Variants in GSG1L observed in about 807,000 individuals in gnomAD.
The protein encoded by GSG1L is germ cell-specific gene 1-like protein.
In GSG1L, 24 loss-of-function variants were observed where a neutral mutation model predicts 42.1. That is an observed-to-expected ratio of 0.57 (90% confidence interval 0.41 to 0.80). The LOEUF is 0.80. Among genes scored for constraint, GSG1L ranks in the 30% least tolerant of loss-of-function variants. The probability of loss-of-function intolerance (pLI) is 0.00; values close to 1 mark genes in which losing one functional copy is unlikely to be tolerated. For synonymous variants in GSG1L, 215 were observed against 203.5 expected (o/e 1.06, Z -0.48); for missense variants, 445 against 472.2 (o/e 0.94, Z 0.53).
intron 2 of GSG1L, among the ~76,000 whole-genome samples, chr16:27,948,295 C>T (rs1428597858): frequency 1.3e-5 from 2 of 152,196 alleles, no homozygotes; most frequent in Admixed American, 1.3e-4. Flanking sequence ...GCAGTACAAC[C>T]TCTTCAAGTT....
chr16:27,818,354 G>A (rs2083118271), intron 5 of GSG1L, among the ~76,000 whole-genome samples: 1 of 152,100 alleles, frequency 6.6e-6, no homozygotes, highest in South Asian at 2.1e-4. Flanking sequence ...GGACCATCTT[G>A]TGTTTTCACC....
At chr16:27,957,398 G>A (rs763287753) in intron 2 of GSG1L, among the ~76,000 whole-genome samples, 31 of 152,300 alleles carry the variant, frequency 2.0e-4, no homozygotes, top group African/African-American at 3.6e-4. Context: ...GTTGATCTGC[G>A]TTTGTACATT....
chr16:27,888,212 C>T (rs2084052667), intron 2 of GSG1L: 1 of 789,462 alleles, frequency 1.3e-6, no homozygotes, highest in African/African-American at 1.9e-5. Context: ...CCCACGTGGG[C>T]CCCGGGCCAG....
chr16:27,964,099 A>T (rs1158187336), intron 1 of GSG1L, among the ~76,000 whole-genome samples: 1 of 152,152 alleles, frequency 6.6e-6, no homozygotes. Context: ...TGGGAGGCCG[A>T]GGCGGGCGGA....
intron 2 of GSG1L, among the ~76,000 whole-genome samples, chr16:27,950,086 C>T (rs141432367): frequency 6.6e-6 from 1 of 152,300 alleles, no homozygotes; most frequent in Non-Finnish European, 1.5e-5. Flanking sequence ...CTGGGCCCCT[C>T]ATACAGGATG....
intron 2 of GSG1L, among the ~76,000 whole-genome samples, chr16:27,921,471 C>T (rs1169011890): frequency 6.6e-6 from 1 of 152,180 alleles, no homozygotes; most frequent in African/African-American, 2.4e-5. Context: ...TCCTTTTAAA[C>T]ATCAACCCTG....
intron 3 of GSG1L, among the ~76,000 whole-genome samples, chr16:27,860,665 GA>G (rs1000246121): frequency 4.6e-5 from 7 of 152,232 alleles, no homozygotes; most frequent in African/African-American, 1.7e-4. Context: ...TCCATCAAGG[GA>G]AAGTGTCCTC....
chr16:27,913,302 G>A (rs1024907814), intron 2 of GSG1L, among the ~76,000 whole-genome samples: 1 of 152,162 alleles, frequency 6.6e-6, no homozygotes, highest in Non-Finnish European at 1.5e-5. Context: ...GCAAGGGAAT[G>A]TTCTATCTAG....
At chr16:27,815,334 CA>C (rs1462995482) in intron 5 of GSG1L, among the ~76,000 whole-genome samples, 2 of 152,108 alleles carry the variant, frequency 1.3e-5, no homozygotes, top group African/African-American at 4.8e-5. Context: ...CTCCTTTGCT[CA>C]TTGTGTGATG....
intron 1 of GSG1L, among the ~76,000 whole-genome samples, chr16:27,990,172 T>G (rs535617730): frequency 6.6e-6 from 1 of 152,354 alleles, no homozygotes; most frequent in South Asian, 2.1e-4. Flanking sequence ...TGACTTTTTG[T>G]TTGAACCATT....
At chr16:27,945,958 C>G (rs942475949) in intron 2 of GSG1L, among the ~76,000 whole-genome samples, 2 of 152,248 alleles carry the variant, frequency 1.3e-5, no homozygotes, top group African/African-American at 4.8e-5. Context: ...TGCTGCCTCC[C>G]TCCTGCTCCA....
At chr16:27,993,682 T>C (rs1026304504) in intron 1 of GSG1L, among the ~76,000 whole-genome samples, 1 of 152,152 alleles carries the variant, frequency 6.6e-6, no homozygotes, top group African/African-American at 2.4e-5. Context: ...GGTGGGTCCT[T>C]AGTTGAATTC....
At chr16:27,978,024 G>A (rs529377754) in intron 1 of GSG1L, among the ~76,000 whole-genome samples, 13 of 152,280 alleles carry the variant, frequency 8.5e-5, no homozygotes, top group African/African-American at 3.1e-4. Flanking sequence ...GGCTCTGGCT[G>A]AGCGAGGATG....
chr16:27,842,105 CGCGCGTGCCG>C (rs2083389954), intron 4 of GSG1L, among the ~76,000 whole-genome samples: 3 of 106,628 alleles, frequency 2.8e-5, no homozygotes, highest in African/African-American at 9.5e-5. Flanking sequence ...AGCACGATGT[CGCGCGTGCCG>C]AATTTCACAT....
At chr16:27,889,031 T>G (rs1273279669) in intron 2 of GSG1L, among the ~76,000 whole-genome samples, 4 of 152,090 alleles carry the variant, frequency 2.6e-5, no homozygotes, top group African/African-American at 9.7e-5. Context: ...TTGTCCAGGC[T>G]GGAGAGCAGT....
chr16:28,025,731 C>A (rs1268951973), intron 1 of GSG1L, among the ~76,000 whole-genome samples: 1 of 152,220 alleles, frequency 6.6e-6, no homozygotes, highest in Non-Finnish European at 1.5e-5. Flanking sequence ...CCATCCCCTG[C>A]CTGTTCTTTT....
chr16:27,972,724 A>G (rs1183595015), intron 1 of GSG1L, among the ~76,000 whole-genome samples: 1 of 152,182 alleles, frequency 6.6e-6, no homozygotes, highest in Non-Finnish European at 1.5e-5. Flanking sequence ...TTAACCCCGG[A>G]AATGTGAATC....
chr16:27,959,563 A>AAAGGGCAG (rs903354294), intron 2 of GSG1L, among the ~76,000 whole-genome samples: 3 of 151,224 alleles, frequency 2.0e-5, no homozygotes, highest in Non-Finnish European at 2.9e-5. Flanking sequence ...GGAAAGAGAG[A>AAAGGGCAG]AAGGGCAGAA....
intron 2 of GSG1L, among the ~76,000 whole-genome samples, chr16:27,954,481 T>C (rs1441643029): frequency 1.3e-5 from 2 of 152,152 alleles, no homozygotes; most frequent in Non-Finnish European, 2.9e-5. Context: ...AGTGAAAGTC[T>C]ACATGTGTGC....
Sources: allele counts gnomAD v4.1 joint callset (sites outside exome capture counted in the v4.1 genomes callset), GRCh38; gene constraint gnomAD v4.1.1; transcripts MANE v1.5; gene names NCBI Gene and HGNC (gene_info 2026-07-23, HGNC 2026-07-21).